The following DLG5 variants were observed in gnomAD, a reference collection of about 807,000 sequenced individuals.
DLG5 encodes disks large homolog 5.
A neutral mutation model predicts 189.8 loss-of-function variants in DLG5; 48 were observed. The observed-to-expected ratio is 0.25, with a 90% CI of 0.20 to 0.32. DLG5 has a LOEUF of 0.32. DLG5 is among the 10% of genes least tolerant of loss of function. The pLI, the probability that DLG5 is intolerant of heterozygous loss-of-function variation, is 1.00. For missense variants in DLG5, 2,160 were observed against 2,544.7 expected, an observed-to-expected ratio of 0.85 and a Z score of 3.25; for synonymous variants, 1,016 against 1,054.1, an observed-to-expected ratio of 0.96 and a Z score of 0.70.
intron 8 of DLG5, among the ~76,000 whole-genome samples, 186 bp from the exon 9 acceptor site, chr10:77,834,225 G>A (rs1704913926): frequency 6.6e-6 from 1 of 152,116 alleles, no homozygotes; most frequent in Non-Finnish European, 1.5e-5. Context: ...GCATGACAGA[G>A]GGAATGTGGA....
intron 14 of DLG5, among the ~76,000 whole-genome samples, chr10:77,822,705 T>C (rs1234525192): frequency 6.6e-6 from 1 of 152,136 alleles, no homozygotes; most frequent in Non-Finnish European, 1.5e-5. Flanking sequence ...AACATAAAAG[T>C]AAAAATTCAT....
At chr10:77,871,852 T>C (rs980824998) in intron 1 of DLG5, among the ~76,000 whole-genome samples, 3 of 152,088 alleles carry the variant, frequency 2.0e-5, no homozygotes, top group African/African-American at 7.2e-5. Context: ...CTGCATCACA[T>C]GTTTTTTTAA....
intron 5 of DLG5, among the ~76,000 whole-genome samples, chr10:77,851,554 T>C (rs1184869115): frequency 1.3e-5 from 2 of 152,224 alleles, no homozygotes; most frequent in African/African-American, 2.4e-5. Flanking sequence ...TCAAGACCTA[T>C]GGGCTAAATA....
chr10:77,838,464 GGAA>G (rs1371647284), intron 7 of DLG5, among the ~76,000 whole-genome samples: 6 of 152,168 alleles, frequency 3.9e-5, no homozygotes, highest in Admixed American at 6.5e-5. Flanking sequence ...CTGGGAGCTG[GGAA>G]GAAGAAGGCG....
intron 11 of DLG5, among the ~76,000 whole-genome samples, chr10:77,829,841 T>A (rs1842818492): frequency 2.0e-5 from 3 of 152,212 alleles, no homozygotes; most frequent in African/African-American, 7.2e-5. Context: ...AATCAATTAA[T>A]TTCTATAAAG....
chr10:77,915,949 A>G (rs957328422), intron 1 of DLG5, among the ~76,000 whole-genome samples: 3 of 152,234 alleles, frequency 2.0e-5, no homozygotes, highest in African/African-American at 7.2e-5. Flanking sequence ...TCTGGCCTCC[A>G]AAGAGTCACA....
chr10:77,841,329 A>G (rs1843405138), intron 7 of DLG5, among the ~76,000 whole-genome samples: 1 of 152,166 alleles, frequency 6.6e-6, no homozygotes, highest in Non-Finnish European at 1.5e-5. Context: ...CCAACCCTGG[A>G]GGTGTGGCCC....
In DLG5 at chr10:77,807,026, C is replaced by T. The variant is rs1841512037; in HGVS notation, c.4797-98G>A. The stretch of plus-strand genomic sequence containing the variant: ...CCAGGCCCCTAAGGCTGCCATTCTG[C>T]TTTGGGCTGTCTCCAAACTTGATCA... On this transcript the variant is annotated intron_variant, in intron 25 of 31. Coordinates refer to ENST00000372391, the MANE Select transcript of DLG5 (RefSeq NM_004747.4). 6.5e-6 allele frequency: 9 copies of T among 1,378,358 alleles called. No homozygotes were observed. The South Asian group carries it at 1.2e-4, about 18-fold the overall frequency. 85.4% of individuals were successfully genotyped at this position (1,378,358 alleles called of 1,614,324 possible). A position where few individuals can be genotyped will look rare whatever the true frequency, so the allele number is the denominator to read the frequency against.
chr10:77,930,814 ATTTTT>A (rs35563477), upstream of DLG5, among the ~76,000 whole-genome samples: 11 of 91,656 alleles, frequency 1.2e-4, no homozygotes, highest in African/African-American at 4.4e-4. Context: ...CACCTGGCTA[ATTTTT>A]TTTTTTTTTT....
rs1260087735 is a variant in DLG5, at chr10:77,805,706, G to C, written c.5123C>G (p.Ala1708Gly). The change falls in exon 27 of 32, where the codon GCC becomes GGC. Residue 1708 changes from alanine to glycine, a missense_variant. By Grantham distance (60) the Ala-to-Gly change is moderately conservative. Transcript: ENST00000372391. ...SGSKDGKDLL[A>G]LDAFSSDSIP... Reference sequence around the variant, plus strand: ...GGAGTCACTGGAAAAGGCATCCAAGGCGAGCAGGTCTTTCCCGTCCTTGGA... The same window carrying C: ...GGAGTCACTGGAAAAGGCATCCAAGCCGAGCAGGTCTTTCCCGTCCTTGGA... The C allele has an allele frequency of 6.2e-7, 1 of 1,613,790 alleles. No homozygotes were observed. Among genetic ancestry groups the C allele is most frequent in the South Asian group, 1.1e-5 (1 of 91,064 alleles).
intron 1 of DLG5, among the ~76,000 whole-genome samples, chr10:77,899,661 C>T (rs1320234576): frequency 6.6e-6 from 1 of 152,156 alleles, no homozygotes; most frequent in African/African-American, 2.4e-5. Context: ...TTCTCATGAC[C>T]AGACTTGTGC....
chr10:77,798,715 T>C (rs536197749), intron 27 of DLG5, among the ~76,000 whole-genome samples: 1 of 152,322 alleles, frequency 6.6e-6, no homozygotes, highest in South Asian at 2.1e-4. Flanking sequence ...TTAACACTTA[T>C]TCTGGATCGA....
chr10:77,794,982 G>A (rs1470306742), intron 29 of DLG5, 24 bp from the exon 30 acceptor site: 1 of 1,601,378 alleles, frequency 6.2e-7, no homozygotes, highest in Non-Finnish European at 8.5e-7. Flanking sequence ...TGCAGAGTGA[G>A]CCCTGGCGGG....
chr10:77,798,231 A>G (rs761161285), intron 27 of DLG5, among the ~76,000 whole-genome samples: 3 of 152,118 alleles, frequency 2.0e-5, no homozygotes, highest in Non-Finnish European at 2.9e-5. Flanking sequence ...ATCCACATAC[A>G]TCCACACAGT....
At chr10:77,906,429 T>G (rs902568811) in intron 1 of DLG5, among the ~76,000 whole-genome samples, 5 of 152,124 alleles carry the variant, frequency 3.3e-5, no homozygotes, top group Non-Finnish European at 7.4e-5. Context: ...TGGTGTGAAA[T>G]GGAAACAACT....
At chr10:77,871,271 T>C (rs1346048834) in intron 1 of DLG5, among the ~76,000 whole-genome samples, 1 of 152,082 alleles carries the variant, frequency 6.6e-6, no homozygotes, top group East Asian at 1.9e-4. Flanking sequence ...CGGTCAGCAC[T>C]GCCAGGTATG....
At chr10:77,914,021 G>T (rs1846294218) in intron 1 of DLG5, among the ~76,000 whole-genome samples, 2 of 152,296 alleles carry the variant, frequency 1.3e-5, no homozygotes, top group South Asian at 4.1e-4. Context: ...TGGGATCAAA[G>T]AGAATCAGGT....
chr10:77,809,674 T>A lies in DLG5; in HGVS notation c.4520A>T (p.Lys1507Met). The A allele has an allele frequency of 6.2e-7, 1 of 1,614,184 alleles. No homozygotes were observed. Among genetic ancestry groups the A allele is most frequent in the Non-Finnish European group, 8.5e-7 (1 of 1,180,010 alleles). Residue 1507 changes from lysine (K) to methionine (M), a missense_variant, in exon 24 of 32, where the codon AAG (lysine) becomes ATG (methionine). By Grantham distance (95) the Lys-to-Met change is moderately conservative. Around this residue, in one of 5 missense-constraint regions of DLG5, gnomAD observed 574 missense variants for 644.2 expected, o/e 0.89. Transcript: ENST00000372391. ...TLEPRVVFIK[K>M]SQLELGVHLC... ...GTGCACCCCAAGCTCCAGCTGGGACTTTTTGATGAAGACAACGCGTGGCTC... is the reference window on the plus strand; with the variant it reads ...GTGCACCCCAAGCTCCAGCTGGGACATTTTGATGAAGACAACGCGTGGCTC...
intron 1 of DLG5, among the ~76,000 whole-genome samples, chr10:77,882,816 G>A (rs993217859): frequency 1.3e-5 from 2 of 151,416 alleles, no homozygotes; most frequent in Middle Eastern, 3.4e-3. Context: ...CCAGCTACTC[G>A]GGAGGGTGAG....
Sources: gnomAD v4.1 joint callset for allele counts (sites outside exome capture counted in the v4.1 genomes callset) on GRCh38, gnomAD v4.1.1 for gene constraint, gnomAD v4.1.1 regional missense constraint, MANE v1.5 for transcripts, NCBI Gene and HGNC (gene_info 2026-07-23, HGNC 2026-07-21) for gene names.